Variants in ACOT1 observed in about 807,000 individuals in gnomAD.
ACOT1 encodes the protein acyl-coenzyme A thioesterase 1.
In ACOT1, 8 loss-of-function variants were observed where a neutral mutation model predicts 15.7. That is an observed-to-expected ratio of 0.51 (90% CI 0.30 to 0.92). The LOEUF is 0.92. Ranked by LOEUF, ACOT1 falls within the 40% of genes least tolerant of loss-of-function variation. ACOT1 has a pLI of 0.06. For missense variants in ACOT1, 151 were observed against 539.4 expected (o/e 0.28, Z 7.13); for synonymous variants, 67 against 241.2 (o/e 0.28, Z 6.69).
chr14:73,509,437 G>A, the ACOT1 span: 1 of 1,614,092 alleles, frequency 6.2e-7, no homozygotes, highest in Non-Finnish European at 8.5e-7. Flanking sequence ...CTCTAGGGCA[G>A]GCAGTAGAAC....
chr14:73,543,264 T>C lies in ACOT1; in HGVS notation c.875T>C (p.Ile292Thr), dbSNP rs766809536. The C allele has an allele frequency of 1.3e-6, 2 of 1,591,058 alleles. No individual in the cohort carries two copies. Among genetic ancestry groups the C allele is most frequent in the South Asian group, 1.1e-5 (1 of 89,948 alleles). Residue 292 changes from isoleucine (I) to threonine (T), a missense_variant, in exon 3 of 3, where the codon ATT becomes ACT. Physicochemically the swap from Ile to Thr is moderately conservative, Grantham distance 89 (BLOSUM62 -1). Transcript: ENST00000311148. ...GTGACCAAAGATGGCTATGCAGACA[T>C]TGTGGATGTCCTGAACAGCCCTTTG... ...IKVTKDGYAD[I>T]VDVLNSPLEG...
the ACOT1 span, among the ~76,000 whole-genome samples, chr14:73,503,479 A>G: frequency 6.6e-6 from 1 of 152,170 alleles, no homozygotes; most frequent in African/African-American, 2.4e-5. Context: ...TCAGAGAGGA[A>G]TGGGCAAAGA....
At chr14:73,506,747 A>G in the ACOT1 span, among the ~76,000 whole-genome samples, 1 of 151,636 alleles carries the variant, frequency 6.6e-6, no homozygotes, top group Non-Finnish European at 1.5e-5. Flanking sequence ...TGGGGAACAA[A>G]ATACAAATTT....
At chr14:73,524,307 AAAAAT>A in the ACOT1 span, among the ~76,000 whole-genome samples, 21 of 110,072 alleles carry the variant, frequency 1.9e-4, no homozygotes, top group Non-Finnish European at 3.6e-4. Flanking sequence ...AAAAAAAAAA[AAAAAT>A]ATATATATAT....
chr14:73,514,193 G>A, the ACOT1 span: 1 of 1,614,162 alleles, frequency 6.2e-7, no homozygotes, highest in Admixed American at 1.7e-5. Flanking sequence ...GCGGGGGTGG[G>A]CAAAGCAGTC....
chr14:73,517,029 C>T, the ACOT1 span, among the ~76,000 whole-genome samples: 1 of 152,196 alleles, frequency 6.6e-6, no homozygotes, highest in African/African-American at 2.4e-5. Flanking sequence ...ATAATCCCAG[C>T]ACTTTGTTTG....
At chr14:73,531,602 T>C in the ACOT1 span, among the ~76,000 whole-genome samples, 30 of 104,134 alleles carry the variant, frequency 2.9e-4, 9 homozygotes, top group Non-Finnish European at 5.3e-4. Context: ...AGAGATGGGG[T>C]TTCACCATAT....
At chr14:73,542,061 T>G (rs1453806271) in intron 2 of ACOT1, among the ~76,000 whole-genome samples, 2 of 112,820 alleles carry the variant, frequency 1.8e-5, no homozygotes, top group African/African-American at 6.0e-5. Flanking sequence ...TCACAATATT[T>G]GTCAGGCTGG....
At chr14:73,507,139 T>C in the ACOT1 span, among the ~76,000 whole-genome samples, 1 of 152,256 alleles carries the variant, frequency 6.6e-6, no homozygotes, top group East Asian at 1.9e-4. Context: ...AAAATGATTT[T>C]TATATGCCTC....
the ACOT1 span, chr14:73,502,864 A>C: frequency 4.7e-6 from 7 of 1,497,322 alleles, no homozygotes; most frequent in South Asian, 1.2e-5. Context: ...AGAATTTAGA[A>C]GAGTGTCTCC....
chr14:73,492,102 C>T, the ACOT1 span: 5 of 1,613,838 alleles, frequency 3.1e-6, no homozygotes, highest in African/African-American at 4.0e-5. The surrounding 1 kb of genome is among the most constrained non-coding windows in gnomAD (Gnocchi z 4.9). Context: ...GTATACCGAC[C>T]CCGAGTCCCA....
At chr14:73,500,733 G>A in the ACOT1 span, 2 of 1,611,632 alleles carry the variant, frequency 1.2e-6, no homozygotes. Context: ...GCTTGACCCT[G>A]TAAGGCACAA....
At chr14:73,521,619 G>A in the ACOT1 span, among the ~76,000 whole-genome samples, 1 of 152,248 alleles carries the variant, frequency 6.6e-6, no homozygotes, top group Non-Finnish European at 1.5e-5. Flanking sequence ...ATCAGGGATA[G>A]TGTAATAGCT....
chr14:73,512,810 T>G, the ACOT1 span, among the ~76,000 whole-genome samples: 6 of 152,226 alleles, frequency 3.9e-5, no homozygotes, highest in South Asian at 1.0e-3. Flanking sequence ...TGTAGGTGTT[T>G]CCTTCAGTCT....
chr14:73,532,803 A>C (rs1263619738), upstream of ACOT1, among the ~76,000 whole-genome samples: 1 of 112,834 alleles, frequency 8.9e-6, no homozygotes, highest in African/African-American at 2.9e-5. Context: ...AACATACAAA[A>C]AAATTAGCCG....
At chr14:73,491,463 T>C in the ACOT1 span, 1 of 1,476,872 alleles carries the variant, frequency 6.8e-7, no homozygotes, top group East Asian at 2.5e-5. Flanking sequence ...TCGGCCCTGC[T>C]GTGCACCGCG....
chr14:73,506,804 G>GTTTTTTTTTTTTTTGTTTTTTTT, the ACOT1 span, among the ~76,000 whole-genome samples: 7 of 80,492 alleles, frequency 8.7e-5, no homozygotes, highest in African/African-American at 2.0e-4. Flanking sequence ...GACTTTAACT[G>GTTTTTTTTTTTTTTGTTTTTTTT]TTTTTTTTTT....
At chr14:73,496,631 G>A in the ACOT1 span, 1 of 1,603,944 alleles carries the variant, frequency 6.2e-7, no homozygotes, top group East Asian at 2.2e-5. Flanking sequence ...GCATTTCTTG[G>A]TTTCCTTCAT....
chr14:73,494,057 G>C, the ACOT1 span, among the ~76,000 whole-genome samples: 11 of 152,178 alleles, frequency 7.2e-5, no homozygotes, highest in Admixed American at 2.6e-4. Context: ...ACCTAGTTGT[G>C]CCTTCATAGA....
Sources: allele counts gnomAD v4.1 joint callset (sites outside exome capture counted in the v4.1 genomes callset), GRCh38; gene constraint gnomAD v4.1.1; non-coding constraint Gnocchi (gnomAD v3.1); transcripts MANE v1.5; gene names NCBI Gene and HGNC (gene_info 2026-07-23, HGNC 2026-07-21).